Variants in PCCA observed in about 807,000 individuals in gnomAD.
The protein encoded by PCCA is propionyl-CoA carboxylase alpha chain, mitochondrial.
PCCA carries 74 observed loss-of-function variants against 101.3 expected under a neutral mutation model. That is an observed-to-expected ratio of 0.73 (90% CI 0.61 to 0.89). The LOEUF is 0.89. Among genes scored for constraint, PCCA ranks in the 40% least tolerant of loss-of-function variants. The pLI, the probability that PCCA is intolerant of heterozygous loss-of-function variation, is 0.00. For synonymous variants in PCCA, 294 were observed against 313.6 expected, an observed-to-expected ratio of 0.94 and a Z score of 0.66; for missense variants, 891 against 907.0, an observed-to-expected ratio of 0.98 and a Z score of 0.23.
rs551529594 is a variant in PCCA, at chr13:100,097,687, C to T, written c.106-5196C>T. Among the ~76,000 whole-genome samples the T allele has an allele frequency of 1.5e-3, 235 of 152,258 alleles. 1 individual carries two copies. The highest frequency in any genetic ancestry group is 5.0e-3 in the African/African-American group (207 of 41,548). On this transcript the variant is annotated intron_variant, in intron 1 of 23. Transcript: ENST00000376285. ...TGAGCCAAGATGGCACCACTGCACTCCAGCCTGGCGACAGAGTGAGACTCC... is the reference window on the plus strand; with the variant it reads ...TGAGCCAAGATGGCACCACTGCACTTCAGCCTGGCGACAGAGTGAGACTCC...
At chr13:100,510,789 A>AGC (rs1297619115) in intron 21 of PCCA, among the ~76,000 whole-genome samples, 1 of 152,232 alleles carries the variant, frequency 6.6e-6, no homozygotes, top group Admixed American at 6.5e-5. Context: ...CCTGATTGAC[A>AGC]GCTACCTTGA....
intron 1 of PCCA, among the ~76,000 whole-genome samples, chr13:100,101,093 G>A (rs2047237498): frequency 6.6e-6 from 1 of 152,092 alleles, no homozygotes; most frequent in African/African-American, 2.4e-5. Flanking sequence ...ATGAGCCACC[G>A]TGCCCGGCCC....
At chr13:100,497,875 T>A (rs1266073203) in intron 21 of PCCA, among the ~76,000 whole-genome samples, 1 of 152,090 alleles carries the variant, frequency 6.6e-6, no homozygotes, top group Non-Finnish European at 1.5e-5. Flanking sequence ...TTTTTACTTT[T>A]CTTTTTTTTT....
intron 20 of PCCA, among the ~76,000 whole-genome samples, chr13:100,438,078 C>G (rs1306362839): frequency 2.6e-5 from 4 of 151,394 alleles, no homozygotes; most frequent in African/African-American, 9.7e-5. Context: ...AAAAGTGATT[C>G]CATCTTAATT....
At chr13:100,450,282 G>T (rs1454711828) in intron 21 of PCCA, among the ~76,000 whole-genome samples, 1 of 151,852 alleles carries the variant, frequency 6.6e-6, no homozygotes, top group African/African-American at 2.4e-5. Flanking sequence ...TACTCAGGAG[G>T]CTGAGGGAGG....
chr13:100,182,098 C>CTTTTTTTTTTTTTTTTTTTT (rs558498604), intron 6 of PCCA, among the ~76,000 whole-genome samples: 1 of 105,452 alleles, frequency 9.5e-6, no homozygotes, highest in Non-Finnish European at 1.9e-5. Flanking sequence ...TTTTCTTTTT[C>CTTTTTTTTTTTTTTTTTTTT]TTTTTTTTTT....
chr13:100,409,304 C>T (rs536584341), intron 19 of PCCA, among the ~76,000 whole-genome samples: 104 of 152,264 alleles, frequency 6.8e-4, no homozygotes, highest in African/African-American at 2.4e-3. Flanking sequence ...TTGAGCCCCA[C>T]ATTGGGCGCC....
At chr13:100,191,748 G>T (rs2057758367) in intron 6 of PCCA, among the ~76,000 whole-genome samples, 1 of 152,222 alleles carries the variant, frequency 6.6e-6, no homozygotes, top group African/African-American at 2.4e-5. Context: ...GGGAATAGGG[G>T]TGATAACATA....
chr13:100,209,044 C>T (rs529253381), intron 6 of PCCA, among the ~76,000 whole-genome samples: 4 of 152,188 alleles, frequency 2.6e-5, no homozygotes, highest in Non-Finnish European at 4.4e-5. Flanking sequence ...TGGTGTAGGA[C>T]GTTATATACA....
chr13:100,253,403 T>A (rs1410351644), intron 8 of PCCA, among the ~76,000 whole-genome samples: 1 of 152,204 alleles, frequency 6.6e-6, no homozygotes, highest in Non-Finnish European at 1.5e-5. Flanking sequence ...GCTTATAGTG[T>A]ATATTCAGTA....
intron 6 of PCCA, among the ~76,000 whole-genome samples, chr13:100,197,411 T>C (rs2058183703): frequency 6.6e-6 from 1 of 152,090 alleles, no homozygotes. Flanking sequence ...TCCAGGCTGA[T>C]CTTGAACTCC....
At chr13:100,434,117 C>T (rs762035006) in intron 20 of PCCA, among the ~76,000 whole-genome samples, 4 of 152,136 alleles carry the variant, frequency 2.6e-5, no homozygotes, top group African/African-American at 4.8e-5. Flanking sequence ...TCTGGGATGA[C>T]GGTCTTATGA....
At chr13:100,092,690 TC>T (rs1470087623) in intron 1 of PCCA, among the ~76,000 whole-genome samples, 1 of 152,240 alleles carries the variant, frequency 6.6e-6, no homozygotes, top group Non-Finnish European at 1.5e-5. Flanking sequence ...AATCATGGTC[TC>T]ATTGTGTGAT....
chr13:100,247,735 C>T (rs142374306), intron 8 of PCCA, among the ~76,000 whole-genome samples: 17 of 152,006 alleles, frequency 1.1e-4, no homozygotes, highest in African/African-American at 2.4e-4. Context: ...AGGCTGGTCT[C>T]GGACTCCTAA....
chr13:100,502,208 A>G (rs2085736396), intron 21 of PCCA, among the ~76,000 whole-genome samples: 1 of 152,152 alleles, frequency 6.6e-6, no homozygotes, highest in Non-Finnish European at 1.5e-5. Flanking sequence ...AAGTGAATCC[A>G]TCTCGTTCAG....
At chr13:100,189,500 G>A (rs901345993) in intron 6 of PCCA, among the ~76,000 whole-genome samples, 10 of 152,216 alleles carry the variant, frequency 6.6e-5, no homozygotes, top group South Asian at 2.1e-4. Flanking sequence ...GATATTAGTC[G>A]TTTGTTGGAT....
At chr13:100,270,194 G>A (rs1198229782) in intron 11 of PCCA, among the ~76,000 whole-genome samples, 1 of 152,248 alleles carries the variant, frequency 6.6e-6, no homozygotes, top group Non-Finnish European at 1.5e-5. Flanking sequence ...GTGTCTTTAG[G>A]AAGATCCTGG....
chr13:100,520,607 C>T, intron 22 of PCCA, among the ~76,000 whole-genome samples: 1 of 138,524 alleles, frequency 7.2e-6, no homozygotes, highest in Non-Finnish European at 1.5e-5. Context: ...AGCACTCCAG[C>T]CTGGGCGACA....
chr13:100,367,743 G>A (rs942958952), intron 18 of PCCA, among the ~76,000 whole-genome samples: 15 of 150,090 alleles, frequency 1.0e-4, no homozygotes, highest in Admixed American at 9.3e-4. Context: ...TGGATCATGA[G>A]GTCAGGAGTT....
Sources: allele counts gnomAD v4.1 joint callset (sites outside exome capture counted in the v4.1 genomes callset), GRCh38; gene constraint gnomAD v4.1.1; transcripts MANE v1.5; gene names NCBI Gene and HGNC (gene_info 2026-07-23, HGNC 2026-07-21).